Variants in ZDHHC14 observed in about 807,000 individuals in gnomAD.
ZDHHC14 encodes the protein zDHHC palmitoyltransferase 14.
A neutral mutation model predicts 47.7 loss-of-function variants in ZDHHC14; 16 were observed. The ratio of observed to expected loss-of-function variants is 0.34; its 90% CI spans 0.23 to 0.51. The LOEUF is 0.51. ZDHHC14 is among the 20% of genes least tolerant of loss of function. The pLI is 0.97. For missense variants in ZDHHC14, 515 were observed against 662.5 expected, an observed-to-expected ratio of 0.78 and a Z score of 2.44; for synonymous variants, 293 against 278.9, an observed-to-expected ratio of 1.05 and a Z score of -0.50.
At chr6:157,416,612 G>A (rs1366067039) in intron 1 of ZDHHC14, among the ~76,000 whole-genome samples, 1 of 112,042 alleles carries the variant, frequency 8.9e-6, no homozygotes, top group African/African-American at 2.9e-5. Flanking sequence ...AGGATGTAGT[G>A]AGCCATGATT....
chr6:157,413,810 T>C (rs2114760935), intron 1 of ZDHHC14, among the ~76,000 whole-genome samples: 1 of 152,296 alleles, frequency 6.6e-6, no homozygotes, highest in African/African-American at 2.4e-5. Context: ...ATGTGGCTTC[T>C]CATGGACATC....
chr6:157,509,039 AGAGGCC>A (rs1485891022), intron 1 of ZDHHC14, among the ~76,000 whole-genome samples: 1 of 152,176 alleles, frequency 6.6e-6, no homozygotes, highest in Admixed American at 6.5e-5. Context: ...CTCAGCTTCC[AGAGGCC>A]CCCTGCATTC....
intron 8 of ZDHHC14, among the ~76,000 whole-genome samples, chr6:157,661,768 A>G (rs1778352434): frequency 6.6e-6 from 1 of 152,234 alleles, no homozygotes; most frequent in African/African-American, 2.4e-5. Context: ...GGATTGACTG[A>G]GATTCTATTT....
intron 1 of ZDHHC14, among the ~76,000 whole-genome samples, chr6:157,456,692 T>A (rs1022925091): frequency 1.3e-5 from 2 of 152,188 alleles, no homozygotes; most frequent in African/African-American, 4.8e-5. Context: ...TACATTTTTT[T>A]AAAAAGAAGT....
At chr6:157,665,222 C>T (rs147255195) in intron 8 of ZDHHC14, among the ~76,000 whole-genome samples, 81 of 152,310 alleles carry the variant, frequency 5.3e-4, no homozygotes, top group South Asian at 4.4e-3. Flanking sequence ...TATCAGTTCT[C>T]CATCATTCCT....
intron 2 of ZDHHC14, among the ~76,000 whole-genome samples, chr6:157,580,816 T>G (rs1398103559): frequency 6.6e-6 from 1 of 151,966 alleles, no homozygotes; most frequent in Non-Finnish European, 1.5e-5. Context: ...ATTTCCCTCC[T>G]TTTTTTATTA....
intron 3 of ZDHHC14, among the ~76,000 whole-genome samples, chr6:157,607,667 A>T (rs1329151510): frequency 6.6e-6 from 1 of 152,210 alleles, no homozygotes; most frequent in African/African-American, 2.4e-5. Context: ...AACAGAAACC[A>T]TCTTCATGGC....
chr6:157,490,102 A>G (rs959621571), intron 1 of ZDHHC14, among the ~76,000 whole-genome samples: 2 of 152,154 alleles, frequency 1.3e-5, no homozygotes, highest in Non-Finnish European at 2.9e-5. Context: ...GTTTCTAGAT[A>G]GAGAAACACG....
chr6:157,551,133 G>T (rs1370587112), intron 2 of ZDHHC14, among the ~76,000 whole-genome samples: 3 of 152,116 alleles, frequency 2.0e-5, no homozygotes, highest in African/African-American at 7.2e-5. Flanking sequence ...AAAATTCCAG[G>T]CCCACCCCTA....
chr6:157,490,459 C>T (rs963399610), intron 1 of ZDHHC14, among the ~76,000 whole-genome samples: 5 of 152,208 alleles, frequency 3.3e-5, no homozygotes, highest in Non-Finnish European at 7.3e-5. Context: ...AAAGCTTTTA[C>T]TCTAATTAGG....
chr6:157,498,154 G>C (rs2114735264), intron 1 of ZDHHC14, among the ~76,000 whole-genome samples: 1 of 152,234 alleles, frequency 6.6e-6, no homozygotes, highest in Middle Eastern at 3.4e-3. Context: ...AAGAGCCGGG[G>C]GGCTGGGTGC....
intron 1 of ZDHHC14, among the ~76,000 whole-genome samples, chr6:157,398,185 G>C (rs2749671): frequency 0.77 from 116,953 of 151,940 alleles, 45,688 homozygotes; most frequent in Middle Eastern, 0.92. Flanking sequence ...AAACAGGGAC[G>C]TGTGTTCCTA....
At chr6:157,659,960 G>C (rs1778275216) in intron 8 of ZDHHC14, among the ~76,000 whole-genome samples, 1 of 152,166 alleles carries the variant, frequency 6.6e-6, no homozygotes, top group Admixed American at 6.5e-5. Context: ...CTAGAACCAT[G>C]CTGTGGATAG....
At chr6:157,556,318 T>C (rs951404248) in intron 2 of ZDHHC14, among the ~76,000 whole-genome samples, 2 of 152,128 alleles carry the variant, frequency 1.3e-5, no homozygotes, top group African/African-American at 4.8e-5. Context: ...CCGGGCCCCA[T>C]GTGTGTGTGT....
chr6:157,637,833 A>G (rs1230926391), intron 5 of ZDHHC14, among the ~76,000 whole-genome samples: 1 of 152,240 alleles, frequency 6.6e-6, no homozygotes, highest in Non-Finnish European at 1.5e-5. Flanking sequence ...CAAAATATCC[A>G]ACTAAAAACA....
intron 1 of ZDHHC14, among the ~76,000 whole-genome samples, chr6:157,445,399 T>C (rs1463948691): frequency 6.6e-6 from 1 of 152,186 alleles, no homozygotes; most frequent in Admixed American, 6.5e-5. Flanking sequence ...AAAACCTGGT[T>C]CATTTGTCTT....
At chr6:157,434,241 T>C (rs1225717548) in intron 1 of ZDHHC14, among the ~76,000 whole-genome samples, 3 of 150,568 alleles carry the variant, frequency 2.0e-5, no homozygotes, top group African/African-American at 7.3e-5. Context: ...TATATAATTC[T>C]TTTATATGTT....
chr6:157,491,652 C>G (rs1779919100), intron 1 of ZDHHC14, among the ~76,000 whole-genome samples: 1 of 152,194 alleles, frequency 6.6e-6, no homozygotes, highest in Non-Finnish European at 1.5e-5. Flanking sequence ...GAAGCAAAGG[C>G]TCAAATCAGC....
chr6:157,540,103 A>G (rs1781691102), intron 1 of ZDHHC14, among the ~76,000 whole-genome samples: 1 of 152,170 alleles, frequency 6.6e-6, no homozygotes, highest in South Asian at 2.1e-4. Context: ...CCCCGCGTCA[A>G]CTGGACTTTG....
Sources: gnomAD v4.1 joint callset for allele counts (sites outside exome capture counted in the v4.1 genomes callset) on GRCh38, gnomAD v4.1.1 for gene constraint, MANE v1.5 for transcripts, NCBI Gene and HGNC (gene_info 2026-07-23, HGNC 2026-07-21) for gene names.